FRYL: variants seen among roughly 807,000 people sequenced by gnomAD.
The protein encoded by FRYL is FRY like transcription coactivator, also known as protein furry homolog-like.
FRYL carries 150 observed loss-of-function variants against 351.2 expected under a neutral mutation model. That is an observed-to-expected ratio of 0.43 (90% CI 0.37 to 0.49). The LOEUF (loss-of-function observed/expected upper bound fraction) is 0.49. Ranked by LOEUF, FRYL falls within the 20% of genes least tolerant of loss-of-function variation. The probability of loss-of-function intolerance (pLI) is 0.00; values close to 1 mark genes in which losing one functional copy is unlikely to be tolerated. For synonymous variants in FRYL, 1,153 were observed against 1,257.1 expected (o/e 0.92, Z 1.75); for missense variants, 3,036 against 3,619.3 (o/e 0.84, Z 4.13).
chr4:48,714,139 T>C (rs1415441970), intron 1 of FRYL, among the ~76,000 whole-genome samples: 3 of 152,198 alleles, frequency 2.0e-5, no homozygotes, highest in African/African-American at 4.8e-5. Context: ...GAGGGAAATT[T>C]ACAGCACTAA....
rs571789225 is a variant in FRYL at position 48,499,934 on chromosome 4, A to G, written c.8783+96T>C. On this transcript the variant is annotated intron_variant, in intron 63 of 63. Coordinates refer to ENST00000358350, the MANE Select transcript of FRYL (RefSeq NM_015030.2). Reference sequence around the variant, plus strand: ...ACTCATGTTTTTCTTTCACAAAGACATGATATGGAAACAGCAAATTGAAAA... The same window carrying G: ...ACTCATGTTTTTCTTTCACAAAGACGTGATATGGAAACAGCAAATTGAAAA... 75 of 925,160 alleles carry G rather than the reference A, an allele frequency of 8.1e-5. No homozygotes were observed. In the South Asian group the frequency reaches 1.1e-3, roughly 14 times the overall value. The allele number at this position is 925,160 out of a possible 1,614,324, so 57.3% of individuals were successfully genotyped here. A position where few individuals can be genotyped will look rare whatever the true frequency, so the allele number is the denominator to read the frequency against.
At chr4:48,620,240 A>G (rs530823751) in intron 6 of FRYL, among the ~76,000 whole-genome samples, 1 of 152,346 alleles carries the variant, frequency 6.6e-6, no homozygotes, top group East Asian at 1.9e-4. Context: ...TAGTACTATT[A>G]TAACACAGGG....
chr4:48,666,559 C>A (rs1177991560), intron 3 of FRYL, among the ~76,000 whole-genome samples: 1 of 152,008 alleles, frequency 6.6e-6, no homozygotes, highest in African/African-American at 2.4e-5. Context: ...TTAGAAAAAG[C>A]TAACTTCATA....
intron 18 of FRYL, among the ~76,000 whole-genome samples, chr4:48,588,936 T>C (rs1742691661): frequency 6.6e-6 from 1 of 152,046 alleles, no homozygotes; most frequent in African/African-American, 2.4e-5. Context: ...ACTTACTAAA[T>C]GAGGGAAGTG....
intron 1 of FRYL, among the ~76,000 whole-genome samples, chr4:48,753,383 C>A (rs1358093803): frequency 6.6e-6 from 1 of 152,092 alleles, no homozygotes; most frequent in Non-Finnish European, 1.5e-5. Context: ...AGTCCCTTCA[C>A]AAGACTAGGA....
chr4:48,531,169 A>G lies in FRYL; in HGVS notation c.6890T>C (p.Phe2297Ser). Residue 2297 changes from phenylalanine to serine, a missense_variant, in exon 50 of 64, where the codon TTT becomes TCT. Around this residue, in one of 7 missense-constraint regions of FRYL, gnomAD observed 1,987 missense variants for 2,311.7 expected, o/e 0.86. Coordinates refer to ENST00000358350, the MANE Select transcript of FRYL (RefSeq NM_015030.2). ...ELPGKTLDFH[F>S]DISETPIIGN... The stretch of plus-strand genomic sequence containing the variant: ...TGAGCATCTTACCTCAGATATATCA[A>G]AATGAAAATCTAAGGTCTTCCCAGG... 1 of 1,597,942 alleles carries G rather than the reference A, an allele frequency of 6.3e-7. No individual in the cohort carries two copies.
chr4:48,659,514 G>A (rs1347059807), intron 3 of FRYL, among the ~76,000 whole-genome samples: 10 of 866 alleles, frequency 0.012, 4 homozygotes, highest in African/African-American at 0.012. Flanking sequence ...AAGAAGAAGA[G>A]GGAGAAGAGG....
chr4:48,721,237 T>C (rs967917669), intron 1 of FRYL, among the ~76,000 whole-genome samples: 3 of 152,110 alleles, frequency 2.0e-5, no homozygotes, highest in African/African-American at 7.2e-5. Flanking sequence ...CCTATGGCCA[T>C]TGTATCCTCT....
rs1370543209 is a variant in FRYL, at chr4:48,708,303, TAAATA to T, written c.-204+2211_-204+2215del. On this transcript the variant is annotated intron_variant, in intron 2 of 63. Transcript: ENST00000358350. ...TCAAAAAAATAAATAAATAAATAAA[TAAATA>T]AAAATAAAATTAGCCAGGCATGGTA... Among the ~76,000 whole-genome samples, 9 of 4,940 alleles carry T rather than the reference TAAATA, an allele frequency of 1.8e-3. No individual in the cohort carries two copies. In the Non-Finnish European group the frequency reaches 0.026, roughly 14 times the overall value. The allele number at this position is 4,940 out of a possible 152,430, so 3.2% of individuals were successfully genotyped here.
At chr4:48,618,877 C>T (rs138570597) in intron 7 of FRYL, 227 of 161,314 alleles carry the variant, frequency 1.4e-3, no homozygotes, top group African/African-American at 4.8e-3. Flanking sequence ...ATCAAATCAC[C>T]CCATGCCTCT....
intron 18 of FRYL, 124 bp downstream of exon 18, chr4:48,589,621 A>G: frequency 1.1e-6 from 1 of 877,250 alleles, no homozygotes; most frequent in Non-Finnish European, 1.8e-6. Flanking sequence ...CTGTATTGAA[A>G]ACTGCAGCAG....
At position 48,576,019 on chromosome 4, in the gene FRYL, G is replaced by A; in HGVS notation, c.2721+11C>T. ...ATTTCATATATCCAACAGTGGATCT[G>A]AGAAACTTACTTTAGAATCAATGCT... On this transcript the variant is annotated intron_variant, in intron 24 of 63. Transcript: ENST00000358350. 6.4e-7 allele frequency: 1 copy of A among 1,558,820 alleles called. No homozygotes were observed. Among genetic ancestry groups the A allele is most frequent in the East Asian group, 2.3e-5 (1 of 42,630 alleles).
At chr4:48,672,960 T>G (rs776659907) in intron 3 of FRYL, among the ~76,000 whole-genome samples, 11 of 152,228 alleles carry the variant, frequency 7.2e-5, no homozygotes, top group Non-Finnish European at 1.0e-4. Context: ...GCAATGGTTC[T>G]ATGAAAACAA....
chr4:48,571,514 A>G lies in FRYL; in HGVS notation c.2905-596T>C, dbSNP rs972900898. ...GCAGAAAGTCATGTAAGAGATATCA[A>G]TCACCTATATCACCTTCTACTATAG... On this transcript the variant is annotated intron_variant, in intron 26 of 63. Transcript: ENST00000358350. 7.9e-5 allele frequency among the ~76,000 whole-genome samples: 12 copies of G among 152,334 alleles called. 1 individual carries two copies. The East Asian group carries it at 1.3e-3, about 17-fold the overall frequency.
At chr4:48,778,244 G>A (rs1776231592) in intron 1 of FRYL, among the ~76,000 whole-genome samples, 1 of 151,858 alleles carries the variant, frequency 6.6e-6, no homozygotes, top group Admixed American at 6.6e-5. Flanking sequence ...TTACTGCTGA[G>A]CCTGTGAATT....
chr4:48,588,113 G>T (rs1309371243), intron 18 of FRYL, among the ~76,000 whole-genome samples: 1 of 152,192 alleles, frequency 6.6e-6, no homozygotes. Flanking sequence ...TGGTCAAGGT[G>T]CATCTGTTAT....
intron 10 of FRYL, 80 bp downstream of exon 10, chr4:48,606,358 A>G (rs1746838363): frequency 2.4e-6 from 2 of 822,368 alleles, no homozygotes; most frequent in African/African-American, 3.4e-5. Flanking sequence ...ATTTACGTGT[A>G]TTTTGTTTCT....
chr4:48,597,362 G>T (rs994662813), intron 13 of FRYL, among the ~76,000 whole-genome samples: 3 of 152,122 alleles, frequency 2.0e-5, no homozygotes, highest in African/African-American at 4.8e-5. Flanking sequence ...CAAACCCATA[G>T]AATGTACAAC....
At chr4:48,639,868 CAGA>C (rs1358748000) in intron 3 of FRYL, among the ~76,000 whole-genome samples, 2 of 151,974 alleles carry the variant, frequency 1.3e-5, no homozygotes, top group Admixed American at 6.6e-5. Context: ...TACACCTTAC[CAGA>C]AGAAGATGTA....
Sources: allele counts gnomAD v4.1 joint callset (sites outside exome capture counted in the v4.1 genomes callset), GRCh38; gene constraint gnomAD v4.1.1; regional missense constraint gnomAD v4.1.1; transcripts MANE v1.5; gene names NCBI Gene and HGNC (gene_info 2026-07-23, HGNC 2026-07-21).